SGCZ: variants seen among roughly 807,000 people sequenced by gnomAD.
SGCZ encodes the protein sarcoglycan zeta.
Under a neutral mutation model 41.3 loss-of-function variants are expected in SGCZ, and 40 were observed. The observed-to-expected ratio is 0.97, with a 90% CI of 0.75 to 1.26. The LOEUF (loss-of-function observed/expected upper bound fraction) is 1.26, where lower values mean the gene tolerates loss of function less well. Ranked by LOEUF, SGCZ falls within the 50% of genes most tolerant of loss-of-function variation. The pLI is 0.00. For synonymous variants in SGCZ, 206 were observed against 137.5 expected, an observed-to-expected ratio of 1.50 and a Z score of -3.49; for missense variants, 552 against 369.8, an observed-to-expected ratio of 1.49 and a Z score of -4.04.
intron 2 of SGCZ, among the ~76,000 whole-genome samples, chr8:14,416,695 A>G (rs1057412206): frequency 6.6e-5 from 10 of 151,904 alleles, no homozygotes; most frequent in African/African-American, 2.4e-4. Context: ...TAGAAAAGAA[A>G]TAGTTTACTG....
At chr8:14,329,266 T>C (rs562794408) in intron 2 of SGCZ, among the ~76,000 whole-genome samples, 16 of 152,324 alleles carry the variant, frequency 1.1e-4, no homozygotes, top group African/African-American at 3.8e-4. Flanking sequence ...TAAACCCAAA[T>C]GTGTATTTTA....
intron 4 of SGCZ, among the ~76,000 whole-genome samples, chr8:14,211,443 G>C (rs1805804461): frequency 6.6e-6 from 1 of 152,152 alleles, no homozygotes; most frequent in African/African-American, 2.4e-5. Flanking sequence ...CTTATGAACA[G>C]ATTTCTCTAG....
At chr8:15,132,799 C>T (rs1339709131) in intron 1 of SGCZ, among the ~76,000 whole-genome samples, 1 of 152,130 alleles carries the variant, frequency 6.6e-6, no homozygotes, top group Non-Finnish European at 1.5e-5. Context: ...ATTTGAGAGC[C>T]TGTTCACCAC....
intron 1 of SGCZ, among the ~76,000 whole-genome samples, chr8:14,845,016 T>C (rs1211188853): frequency 5.9e-5 from 9 of 152,148 alleles, no homozygotes; most frequent in South Asian, 2.1e-4. Flanking sequence ...ATTTACAAGA[T>C]AGACTTCAGA....
chr8:15,033,140 G>A (rs1373486193), intron 1 of SGCZ, among the ~76,000 whole-genome samples: 2 of 151,638 alleles, frequency 1.3e-5, no homozygotes, highest in African/African-American at 4.9e-5. Context: ...CAGGGTCCAG[G>A]CCCATCCCAC....
chr8:14,947,072 GA>G (rs992314249), intron 1 of SGCZ, among the ~76,000 whole-genome samples: 2 of 151,630 alleles, frequency 1.3e-5, no homozygotes, highest in Admixed American at 6.6e-5. Context: ...CTCCCCATCT[GA>G]AAAAAAAGAA....
chr8:14,323,517 TA>T (rs1259405192), intron 3 of SGCZ, among the ~76,000 whole-genome samples: 1 of 152,048 alleles, frequency 6.6e-6, no homozygotes, highest in East Asian at 1.9e-4. Flanking sequence ...GTAATGTACA[TA>T]AGCCAAAATG....
intron 2 of SGCZ, among the ~76,000 whole-genome samples, chr8:14,454,291 A>G (rs1800680992): frequency 6.6e-6 from 1 of 152,192 alleles, no homozygotes; most frequent in Non-Finnish European, 1.5e-5. Context: ...TCTGGACTTT[A>G]GGAACTGGGA....
chr8:14,581,341 A>G (rs1048448228), intron 1 of SGCZ, among the ~76,000 whole-genome samples: 2 of 152,068 alleles, frequency 1.3e-5, no homozygotes, highest in African/African-American at 4.8e-5. Flanking sequence ...TCCTGGCCTC[A>G]AGCGAACAGC....
intron 1 of SGCZ, among the ~76,000 whole-genome samples, chr8:14,729,950 T>G (rs1810180785): frequency 1.3e-5 from 2 of 152,090 alleles, no homozygotes; most frequent in African/African-American, 4.8e-5. Context: ...CCGGGCATGG[T>G]AGGACAGTCC....
intron 1 of SGCZ, among the ~76,000 whole-genome samples, chr8:15,100,162 C>A (rs1317705926): frequency 2.6e-5 from 4 of 151,972 alleles, no homozygotes; most frequent in Non-Finnish European, 5.9e-5. Flanking sequence ...GAAATAAGAC[C>A]CTTGAATTTT....
At chr8:14,801,067 T>C (rs554316982) in intron 1 of SGCZ, among the ~76,000 whole-genome samples, 2 of 152,230 alleles carry the variant, frequency 1.3e-5, no homozygotes, top group Non-Finnish European at 2.9e-5. Context: ...GAATGACTGA[T>C]AAGTTAGAAA....
At chr8:14,149,136 T>G (rs533184452) in intron 5 of SGCZ, among the ~76,000 whole-genome samples, 4 of 152,204 alleles carry the variant, frequency 2.6e-5, no homozygotes, top group African/African-American at 9.6e-5. Flanking sequence ...ACAACAATGA[T>G]GCCAATTTTC....
chr8:14,580,483 G>A lies in SGCZ; in HGVS notation c.40-25557C>T, dbSNP rs868434457. ...ATTATTCTTATCATAATTATCTGAA[G>A]AAAAATTCTAAGGGAAATATTTAGA... On this transcript the variant is annotated intron_variant, in intron 1 of 7. Coordinates refer to ENST00000382080, the MANE Select transcript of SGCZ (RefSeq NM_139167.4). Among the ~76,000 whole-genome samples the A allele has an allele frequency of 1.4e-4, 21 of 152,060 alleles. 1 individual carries two copies. Among genetic ancestry groups the A allele is most frequent in the Middle Eastern group, 3.4e-3 (1 of 292 alleles).
At chr8:15,187,244 C>G (rs1191727015) in intron 1 of SGCZ, among the ~76,000 whole-genome samples, 1 of 152,056 alleles carries the variant, frequency 6.6e-6, no homozygotes, top group East Asian at 1.9e-4. Flanking sequence ...TCCAAATCAA[C>G]TCCATATTTA....
chr8:14,221,898 T>C (rs556533544), intron 4 of SGCZ, among the ~76,000 whole-genome samples: 30 of 150,298 alleles, frequency 2.0e-4, no homozygotes, highest in African/African-American at 6.9e-4. Context: ...GAGGTGGAGG[T>C]TGCAGTGAGC....
intron 1 of SGCZ, among the ~76,000 whole-genome samples, chr8:15,108,397 T>C (rs959641302): frequency 3.9e-5 from 6 of 152,288 alleles, no homozygotes; most frequent in South Asian, 2.1e-4. Context: ...AGGGAATAAA[T>C]ATCTTTACAC....
intron 1 of SGCZ, chr8:14,853,305 A>G (rs111331019): frequency 4.1e-6 from 1 of 243,256 alleles, no homozygotes; most frequent in African/African-American, 2.2e-5. Context: ...CAAGCTTCCA[A>G]ACACAGGTTA....
Position 14,490,545 on chromosome 8 carries a change from GTCTC to G in SGCZ, c.234+64183_234+64186del, listed in dbSNP as rs570106794. Among the ~76,000 whole-genome samples the G allele has an allele frequency of 3.9e-5, 6 of 152,134 alleles. No individual in the cohort carries two copies. In the South Asian group the frequency reaches 6.2e-4, roughly 16 times the overall value. ...TACTCTTAATTGCTCTTTGTCTCTC[GTCTC>G]TCTCTGTTTCATTGATGAGTATAAA... On this transcript the variant is annotated intron_variant, in intron 2 of 7. Transcript: ENST00000382080.
Sources: allele counts gnomAD v4.1 joint callset (sites outside exome capture counted in the v4.1 genomes callset), GRCh38; gene constraint gnomAD v4.1.1; transcripts MANE v1.5; gene names NCBI Gene and HGNC (gene_info 2026-07-23, HGNC 2026-07-21).